Variants in SLC38A12 observed in about 807,000 individuals in gnomAD.
SLC38A12 encodes the protein solute carrier family 38 member 12.
the SLC38A12 span, among the ~76,000 whole-genome samples, chr17:74,791,562 T>C: frequency 6.6e-6 from 1 of 152,268 alleles, no homozygotes; most frequent in African/African-American, 2.4e-5. Context: ...CCTCTGACCT[T>C]GCCCTCTTCT....
At chr17:74,789,226 C>A in the SLC38A12 span, among the ~76,000 whole-genome samples, 1 of 152,082 alleles carries the variant, frequency 6.6e-6, no homozygotes, top group African/African-American at 2.4e-5. Context: ...ATACAGATAC[C>A]CTGCAGAAGG....
chr17:74,837,521 G>A, the SLC38A12 span: 1 of 985,408 alleles, frequency 1.0e-6, no homozygotes, highest in Non-Finnish European at 1.2e-6. Flanking sequence ...TCCCCACCTG[G>A]CACCTCAGCG....
chr17:74,778,338 C>T, the SLC38A12 span, among the ~76,000 whole-genome samples: 7 of 152,200 alleles, frequency 4.6e-5, no homozygotes, highest in African/African-American at 1.7e-4. Flanking sequence ...TTGCTACCAA[C>T]CCTCCCAGGC....
At chr17:74,811,754 A>G in the SLC38A12 span, among the ~76,000 whole-genome samples, 1 of 151,646 alleles carries the variant, frequency 6.6e-6, no homozygotes, top group East Asian at 1.9e-4. Flanking sequence ...TATTGGGGCT[A>G]GGCATGGTGG....
At chr17:74,795,082 C>A in the SLC38A12 span, 1 of 1,614,176 alleles carries the variant, frequency 6.2e-7, no homozygotes, top group Non-Finnish European at 8.5e-7. Context: ...ATGCTGCTGC[C>A]GTGCCCTTCT....
the SLC38A12 span, among the ~76,000 whole-genome samples, chr17:74,832,564 G>A: frequency 2.6e-5 from 4 of 152,204 alleles, no homozygotes; most frequent in Non-Finnish European, 4.4e-5. Flanking sequence ...GTGTGTGAGC[G>A]CCCTGAGTGC....
the SLC38A12 span, chr17:74,836,751 G>A: frequency 3.0e-5 from 46 of 1,516,890 alleles, no homozygotes; most frequent in African/African-American, 6.1e-4. This position sits in a 1 kb window ranked among gnomAD's most constrained non-coding sequence, Gnocchi z 4.2. Context: ...CTCGCCCGCA[G>A]AGCCCAGATT....
the SLC38A12 span, among the ~76,000 whole-genome samples, chr17:74,777,958 C>T: frequency 6.6e-6 from 1 of 152,358 alleles, no homozygotes; most frequent in Middle Eastern, 3.4e-3. Context: ...CCACACTTGC[C>T]TGCAGTGCTG....
the SLC38A12 span, chr17:74,839,252 T>G: frequency 3.0e-6 from 4 of 1,328,148 alleles, no homozygotes; most frequent in Non-Finnish European, 4.0e-6. Flanking sequence ...GACGGGCCCC[T>G]AGCCACACAG....
chr17:74,792,145 C>CAA, the SLC38A12 span, among the ~76,000 whole-genome samples: 2 of 104,230 alleles, frequency 1.9e-5, no homozygotes, highest in Non-Finnish European at 2.0e-5. Context: ...GACTCCGTCT[C>CAA]AAAAAAAAAA....
the SLC38A12 span, among the ~76,000 whole-genome samples, chr17:74,808,451 T>C: frequency 6.6e-6 from 1 of 152,200 alleles, no homozygotes; most frequent in African/African-American, 2.4e-5. Flanking sequence ...GGTGCAGGTG[T>C]CTGCAGGGAG....
the SLC38A12 span, among the ~76,000 whole-genome samples, chr17:74,815,704 G>A: frequency 1.1e-4 from 16 of 152,188 alleles, no homozygotes; most frequent in African/African-American, 2.2e-4. Context: ...TGGTGGACAC[G>A]GCACAGCCTC....
At chr17:74,828,041 G>A in the SLC38A12 span, among the ~76,000 whole-genome samples, 1 of 152,208 alleles carries the variant, frequency 6.6e-6, no homozygotes, top group African/African-American at 2.4e-5. Context: ...GCCTGAGCTG[G>A]TGATGGGCAC....
chr17:74,814,375 T>A, the SLC38A12 span, among the ~76,000 whole-genome samples: 1 of 150,948 alleles, frequency 6.6e-6, no homozygotes. Flanking sequence ...CCTGTGGGGA[T>A]CTTGGAGATG....
At chr17:74,820,230 G>A in the SLC38A12 span, among the ~76,000 whole-genome samples, 15 of 152,232 alleles carry the variant, frequency 9.9e-5, no homozygotes, top group Non-Finnish European at 2.2e-4. Context: ...TGCAGGGCAC[G>A]AGAGCGGCGC....
chr17:74,825,110 C>T, the SLC38A12 span, among the ~76,000 whole-genome samples: 3 of 152,344 alleles, frequency 2.0e-5, no homozygotes, highest in East Asian at 3.9e-4. Context: ...CAACTAGTGC[C>T]TCTCAGAGGT....
the SLC38A12 span, chr17:74,836,802 C>T: frequency 6.9e-7 from 1 of 1,453,034 alleles, no homozygotes; most frequent in East Asian, 2.4e-5. This position sits in a 1 kb window ranked among gnomAD's most constrained non-coding sequence, Gnocchi z 4.2. Flanking sequence ...GGGACTGTGG[C>T]TCTAGGGGAA....
chr17:74,834,743 G>A, the SLC38A12 span, among the ~76,000 whole-genome samples: 7 of 152,232 alleles, frequency 4.6e-5, no homozygotes, highest in Admixed American at 1.3e-4. Context: ...GAAATGTCAC[G>A]TGTCCCCGTG....
the SLC38A12 span, among the ~76,000 whole-genome samples, chr17:74,818,559 G>A: frequency 1.3e-5 from 2 of 152,250 alleles, no homozygotes; most frequent in Middle Eastern, 3.4e-3. Context: ...CTCCTTCTGC[G>A]GGGCTCCTAC....
Sources: gnomAD v4.1 joint callset for allele counts (sites outside exome capture counted in the v4.1 genomes callset) on GRCh38, gnomAD v4.1.1 for gene constraint, Gnocchi (gnomAD v3.1) non-coding constraint, MANE v1.5 for transcripts, NCBI Gene and HGNC (gene_info 2026-07-23, HGNC 2026-07-21) for gene names.